Variants in KCTD1 observed in about 807,000 individuals in gnomAD.
KCTD1 encodes potassium channel tetramerization domain containing 1.
KCTD1 carries 24 observed loss-of-function variants against 66.0 expected under a neutral mutation model. That is an observed-to-expected ratio of 0.36 (90% CI 0.26 to 0.51). KCTD1 has a LOEUF of 0.51. Among genes scored for constraint, KCTD1 ranks in the 20% least tolerant of loss-of-function variants. KCTD1 has a pLI of 0.95. For synonymous variants in KCTD1, 511 were observed against 517.2 expected (o/e 0.99, Z 0.16); for missense variants, 943 against 1,205.2 (o/e 0.78, Z 3.22).
intron 1 of KCTD1, chr18:26,545,426 T>C (rs1985164443): frequency 6.6e-6 from 1 of 152,228 alleles, no homozygotes; most frequent in African/African-American, 2.4e-5. Context: ...TAGAGAACTT[T>C]GGTGTTTATA....
At chr18:26,540,559 C>T (rs1984929907) in intron 1 of KCTD1, among the ~76,000 whole-genome samples, 1 of 152,176 alleles carries the variant, frequency 6.6e-6, no homozygotes, top group Non-Finnish European at 1.5e-5. Context: ...GCCTCTGCCA[C>T]CCCTCAAACA....
intron 1 of KCTD1, among the ~76,000 whole-genome samples, chr18:26,562,042 A>G (rs946288222): frequency 1.3e-5 from 2 of 152,098 alleles, no homozygotes; most frequent in African/African-American, 4.8e-5. Flanking sequence ...TCTTAAATTT[A>G]TCTTGCTTAC....
intron 1 of KCTD1, among the ~76,000 whole-genome samples, chr18:26,577,932 T>C (rs1567999068): frequency 6.6e-6 from 1 of 152,152 alleles, no homozygotes; most frequent in Non-Finnish European, 1.5e-5. Context: ...CTGAATTGTG[T>C]TGGAAAGAAT....
intron 1 of KCTD1, among the ~76,000 whole-genome samples, chr18:26,615,052 A>G (rs1340807943): frequency 1.3e-5 from 2 of 152,212 alleles, no homozygotes; most frequent in Non-Finnish European, 2.9e-5. Flanking sequence ...AATGAATTCC[A>G]TGCAATCAGT....
chr18:26,570,192 AT>A (rs1179333117), intron 1 of KCTD1, among the ~76,000 whole-genome samples: 1,159 of 88,028 alleles, frequency 0.013, 13 homozygotes, highest in African/African-American at 0.028. Flanking sequence ...TCTAAAAAAA[AT>A]ATATATATAT....
At chr18:26,521,952 T>TTGAG (rs1219709376) in intron 1 of KCTD1, among the ~76,000 whole-genome samples, 1 of 152,202 alleles carries the variant, frequency 6.6e-6, no homozygotes, top group Non-Finnish European at 1.5e-5. Flanking sequence ...TGCACTTTGT[T>TTGAG]GTATATGAAC....
intron 2 of KCTD1, among the ~76,000 whole-genome samples, chr18:26,477,578 TC>T (rs1981414981): frequency 2.0e-5 from 3 of 152,250 alleles, no homozygotes; most frequent in Admixed American, 1.3e-4. Context: ...TGGAACAATA[TC>T]ATTTTGTTGC....
chr18:26,580,864 A>G (rs1598950913), intron 1 of KCTD1, among the ~76,000 whole-genome samples: 1 of 151,932 alleles, frequency 6.6e-6, no homozygotes, highest in Non-Finnish European at 1.5e-5. Flanking sequence ...GTGTTCATAC[A>G]TAAAGTTTTA....
At chr18:26,630,291 T>A (rs1348072059), upstream of KCTD1, among the ~76,000 whole-genome samples, 1 of 152,184 alleles carries the variant, frequency 6.6e-6, no homozygotes, top group African/African-American at 2.4e-5. Flanking sequence ...TTGTTAATTT[T>A]ATTAAGTCTT....
At chr18:26,540,618 G>A (rs1984933035) in intron 1 of KCTD1, among the ~76,000 whole-genome samples, 1 of 152,104 alleles carries the variant, frequency 6.6e-6, no homozygotes, top group Non-Finnish European at 1.5e-5. Flanking sequence ...ACCTGAAGAT[G>A]ACAAGGAGAC....
At chr18:26,473,211 C>T (rs1981161523) in intron 3 of KCTD1, among the ~76,000 whole-genome samples, 1 of 152,082 alleles carries the variant, frequency 6.6e-6, no homozygotes, top group Admixed American at 6.6e-5. Flanking sequence ...GGAAATCGCT[C>T]CTTGGAATAC....
At chr18:26,602,256 G>A (rs1271867303) in intron 1 of KCTD1, among the ~76,000 whole-genome samples, 1 of 152,160 alleles carries the variant, frequency 6.6e-6, no homozygotes, top group Non-Finnish European at 1.5e-5. Flanking sequence ...TATGGTATAA[G>A]ACATGATTGA....
chr18:26,549,782 G>A (rs1230095908), upstream of KCTD1: 3 of 985,392 alleles, frequency 3.0e-6, no homozygotes, highest in Non-Finnish European at 3.6e-6. Context: ...TGCCTCAGGC[G>A]CGCGGGGGCG....
chr18:26,511,026 A>G (rs1362502315), intron 1 of KCTD1, among the ~76,000 whole-genome samples: 4 of 152,230 alleles, frequency 2.6e-5, no homozygotes, highest in African/African-American at 9.6e-5. Context: ...TTTATGCTAT[A>G]CAGAGTTGAA....
chr18:26,637,813 A>C, intron 1 of KCTD1, among the ~76,000 whole-genome samples: 1 of 152,248 alleles, frequency 6.6e-6, no homozygotes, highest in Admixed American at 6.5e-5. Context: ...ACCTTGAGAA[A>C]GTTATGTGCC....
intron 1 of KCTD1, among the ~76,000 whole-genome samples, chr18:26,536,379 C>T (rs915165038): frequency 6.6e-6 from 1 of 152,160 alleles, no homozygotes; most frequent in Non-Finnish European, 1.5e-5. Flanking sequence ...ACACCTAAAA[C>T]ACAAGTATAC....
In KCTD1 at chr18:26,548,145, A is replaced by G; in HGVS notation, c.392T>C (p.Leu131Pro). Residue 131 changes from leucine to proline, a missense_variant, in exon 1 of 5, where the codon CTG becomes CCG. By Grantham distance (98) the Leu-to-Pro change is moderately conservative (BLOSUM62 -3). Coordinates refer to ENST00000580059, the MANE Select transcript of KCTD1 (RefSeq NM_001142730.3). ...HMINMDQSAA[L>P]EPEAPPRLLA... The stretch of plus-strand genomic sequence containing the variant: ...CAGTCGCGGCGGCGCCTCGGGCTCC[A>G]GCGCGGCGCTCTGGTCCATATTGAT... 7.4e-7 allele frequency: 1 copy of G among 1,346,950 alleles called. No individual in the cohort carries two copies. The highest frequency in any genetic ancestry group is 9.5e-7 in the Non-Finnish European group (1 of 1,055,860). The allele number at this position is 1,346,950 out of a possible 1,614,324, so 83.4% of individuals were successfully genotyped here.
intron 1 of KCTD1, among the ~76,000 whole-genome samples, chr18:26,526,868 GT>G (rs917976432): frequency 0.016 from 2,263 of 138,398 alleles, 34 homozygotes; most frequent in African/African-American, 0.046. Flanking sequence ...TACATTTTGG[GT>G]TTTTTTTTTT....
At chr18:26,475,729 G>A (rs966734169) in intron 3 of KCTD1, among the ~76,000 whole-genome samples, 1 of 152,098 alleles carries the variant, frequency 6.6e-6, no homozygotes, top group Non-Finnish European at 1.5e-5. Flanking sequence ...GTGGGCAGCT[G>A]TAATCCCAGC....
Sources: gnomAD v4.1 joint callset for allele counts (sites outside exome capture counted in the v4.1 genomes callset) on GRCh38, gnomAD v4.1.1 for gene constraint, MANE v1.5 for transcripts, NCBI Gene and HGNC (gene_info 2026-07-23, HGNC 2026-07-21) for gene names.